PLD5: variants seen among roughly 807,000 people sequenced by gnomAD.
PLD5 encodes the protein inactive phospholipase D5.
A neutral mutation model predicts 61.1 loss-of-function variants in PLD5; 36 were observed. That is an observed-to-expected ratio of 0.59 (90% CI 0.45 to 0.78). The LOEUF is 0.78. PLD5 is among the 30% of genes least tolerant of loss of function. PLD5 has a pLI of 0.00. For missense variants in PLD5, 515 were observed against 644.4 expected (o/e 0.80, Z 2.17); for synonymous variants, 243 against 242.8 (o/e 1.00, Z -0.01).
intron 5 of PLD5, among the ~76,000 whole-genome samples, chr1:242,203,949 G>T (rs1192188617): frequency 6.6e-6 from 1 of 151,988 alleles, no homozygotes; most frequent in African/African-American, 2.4e-5. Context: ...AAAATACAAA[G>T]TCTTAGGCCG....
intron 5 of PLD5, among the ~76,000 whole-genome samples, chr1:242,212,335 C>T (rs1299632241): frequency 6.6e-6 from 1 of 152,198 alleles, no homozygotes; most frequent in Admixed American, 6.5e-5. Flanking sequence ...ATCAACAAGG[C>T]AATCAGATGT....
chr1:242,451,659 C>T (rs1558577974), intron 1 of PLD5, among the ~76,000 whole-genome samples: 1 of 151,646 alleles, frequency 6.6e-6, no homozygotes, highest in Non-Finnish European at 1.5e-5. Context: ...AGGGCTTCAC[C>T]GTGTTGCCCA....
chr1:242,107,790 G>T lies in PLD5; in HGVS notation c.1120C>A (p.Arg374=). The change falls in exon 8 of 10, where the codon CGA becomes AGA. Residue 374 remains arginine (R), a synonymous_variant. Transcript: ENST00000536534. ...AAAAGGAGTCGAACTCTAACGCTTCGTAAAACTAATGCTTCTCTTATTTTT... is the reference window on the plus strand; with the variant it reads ...AAAAGGAGTCGAACTCTAACGCTTCTTAAAACTAATGCTTCTCTTATTTTT... ...DAKIREALVL[R]SVRVRLLLSF... is the part of the protein sequence containing the mutation. 1.9e-6 allele frequency: 3 copies of T among 1,611,686 alleles called. No individual in the cohort carries two copies. Among genetic ancestry groups the T allele is most frequent in the Non-Finnish European group, 2.5e-6 (3 of 1,179,356 alleles).
intron 7 of PLD5, among the ~76,000 whole-genome samples, chr1:242,110,972 C>A (rs1201609325): frequency 6.6e-6 from 1 of 151,990 alleles, no homozygotes; most frequent in Non-Finnish European, 1.5e-5. Flanking sequence ...TAATGAACAA[C>A]CCCAAACTGA....
chr1:242,340,508 A>C (rs930138659), intron 2 of PLD5, among the ~76,000 whole-genome samples: 18 of 152,248 alleles, frequency 1.2e-4, no homozygotes, highest in African/African-American at 3.8e-4. Context: ...AAGTAAAAAA[A>C]AAAACAAAAC....
intron 1 of PLD5, among the ~76,000 whole-genome samples, chr1:242,445,758 CTTCT>C (rs1666505348): frequency 8.1e-6 from 1 of 123,430 alleles, no homozygotes; most frequent in African/African-American, 3.1e-5. Context: ...GTTTTATTCA[CTTCT>C]TTTTTTTTTT....
At chr1:242,098,694 C>T (rs1459529811) in intron 9 of PLD5, among the ~76,000 whole-genome samples, 1 of 152,164 alleles carries the variant, frequency 6.6e-6, no homozygotes, top group Non-Finnish European at 1.5e-5. Flanking sequence ...ATGGTTTTAT[C>T]TACGTTTGGT....
intron 1 of PLD5, among the ~76,000 whole-genome samples, chr1:242,363,933 G>A (rs923367562): frequency 6.6e-6 from 1 of 152,194 alleles, no homozygotes; most frequent in Non-Finnish European, 1.5e-5. Context: ...CAGAATATCA[G>A]TGACAACACA....
intron 1 of PLD5, among the ~76,000 whole-genome samples, chr1:242,516,250 T>TTATATATA (rs57043354): frequency 0.013 from 1,795 of 138,408 alleles, 23 homozygotes; most frequent in East Asian, 0.063. Flanking sequence ...TAAAGTTAAA[T>TTATATATA]TATATATATA....
At chr1:242,105,410 G>T (rs1408770031) in intron 8 of PLD5, among the ~76,000 whole-genome samples, 2 of 152,158 alleles carry the variant, frequency 1.3e-5, no homozygotes, top group Non-Finnish European at 2.9e-5. Flanking sequence ...TTTTACTAGA[G>T]ATGGGGTTTC....
rs1300439011 is a variant in PLD5, at chr1:242,278,496, T to A, written c.495+9866A>T. ...CAAGCAAGAACATAATCAGGATTACTCAACAGATGGGGAAATGGCAGCATG... is the reference window on the plus strand; with the variant it reads ...CAAGCAAGAACATAATCAGGATTACACAACAGATGGGGAAATGGCAGCATG... On this transcript the variant is annotated intron_variant, in intron 3 of 9. Coordinates refer to ENST00000536534, the MANE Select transcript of PLD5 (RefSeq NM_001372062.1). Among the ~76,000 whole-genome samples, 4 of 152,252 alleles carry A rather than the reference T, an allele frequency of 2.6e-5. No homozygotes were observed. The East Asian group carries it at 7.7e-4, about 29-fold the overall frequency.
chr1:242,381,657 T>C (rs962589270), intron 1 of PLD5, among the ~76,000 whole-genome samples: 2 of 152,224 alleles, frequency 1.3e-5, no homozygotes, highest in Non-Finnish European at 2.9e-5. Flanking sequence ...AAAAATTCTC[T>C]TCACTGATAG....
In PLD5 at chr1:242,393,669, T is replaced by C. The variant is rs1394626456; in HGVS notation, c.190-45427A>G. ...ATATATGAGTATATATGTGTATATA[T>C]ATGAGTATATATGTGTATATATATG... is the stretch of plus-strand genomic sequence containing the variant. On this transcript the variant is annotated intron_variant, in intron 1 of 9. Coordinates refer to ENST00000536534, the MANE Select transcript of PLD5 (RefSeq NM_001372062.1). Among the ~76,000 whole-genome samples, 6 of 94,398 alleles carry C rather than the reference T, an allele frequency of 6.4e-5. 1 individual carries two copies. The highest frequency in any genetic ancestry group is 2.4e-4 in the African/African-American group (6 of 25,060). 61.9% of individuals were successfully genotyped at this position (94,398 alleles called of 152,430 possible). A position where few individuals can be genotyped will look rare whatever the true frequency, so the allele number is the denominator to read the frequency against.
rs952516444 is a variant in PLD5 at position 242,390,294 on chromosome 1, T to C, written c.190-42052A>G. Among the ~76,000 whole-genome samples, 4 of 152,088 alleles carry C rather than the reference T, an allele frequency of 2.6e-5. No homozygotes were observed. In the East Asian group the frequency reaches 5.8e-4, roughly 22 times the overall value. On this transcript the variant is annotated intron_variant, in intron 1 of 9. Transcript: ENST00000536534. ...AGGTTGGTCTCGAAGATACAAATTA[T>C]TAAAGCTCCTTCTTAGGGTAACCTG... is the stretch of plus-strand genomic sequence containing the variant.
intron 1 of PLD5, among the ~76,000 whole-genome samples, chr1:242,427,099 A>T (rs1665470523): frequency 6.6e-6 from 1 of 152,204 alleles, no homozygotes; most frequent in African/African-American, 2.4e-5. Flanking sequence ...CTCAAACTTT[A>T]TCTGAGCAAG....
chr1:242,361,144 C>T (rs1164719670), intron 1 of PLD5, among the ~76,000 whole-genome samples: 2 of 152,176 alleles, frequency 1.3e-5, no homozygotes, highest in South Asian at 2.1e-4. Flanking sequence ...TCATAACTCT[C>T]ATAAATTTAT....
chr1:242,190,763 T>C (rs1260747578), intron 5 of PLD5, among the ~76,000 whole-genome samples: 1 of 151,914 alleles, frequency 6.6e-6, no homozygotes. Context: ...AAAAATCCCA[T>C]ACAAGATGGC....
chr1:242,393,243 T>C lies in PLD5; in HGVS notation c.190-45001A>G, dbSNP rs1387668737. ...ATATATGAGTATATATATGTGTATA[T>C]ATATGAGTATATATATGTGTATATA... is the stretch of plus-strand genomic sequence containing the variant. On this transcript the variant is annotated intron_variant, in intron 1 of 9. Transcript: ENST00000536534. Among the ~76,000 whole-genome samples the C allele has an allele frequency of 2.8e-5, 2 of 71,502 alleles. 1 individual carries two copies. Among genetic ancestry groups the C allele is most frequent in the African/African-American group, 1.5e-4 (2 of 13,722 alleles). The allele number at this position is 71,502 out of a possible 152,430, so 46.9% of individuals were successfully genotyped here. A position where few individuals can be genotyped will look rare whatever the true frequency, so the allele number is the denominator to read the frequency against.
At chr1:242,163,113 T>C (rs374510096) in intron 5 of PLD5, among the ~76,000 whole-genome samples, 3 of 151,628 alleles carry the variant, frequency 2.0e-5, no homozygotes, top group East Asian at 1.9e-4. Flanking sequence ...AGAGGGAAAA[T>C]ACTTCCCTCA....
Sources: allele counts gnomAD v4.1 joint callset (sites outside exome capture counted in the v4.1 genomes callset), GRCh38; gene constraint gnomAD v4.1.1; transcripts MANE v1.5; gene names NCBI Gene and HGNC (gene_info 2026-07-23, HGNC 2026-07-21).